The following GRM1 variants were observed in gnomAD, a reference collection of about 807,000 sequenced individuals.
GRM1 encodes the protein glutamate metabotropic receptor 1, also known as metabotropic glutamate receptor 1.
GRM1 carries 33 observed loss-of-function variants against 90.9 expected under a neutral mutation model. The observed-to-expected ratio is 0.36, with a 90% CI of 0.28 to 0.49. The LOEUF is 0.49. Ranked by LOEUF, GRM1 falls within the 20% of genes least tolerant of loss-of-function variation. GRM1 has a pLI of 0.99. For missense variants in GRM1, 1,190 were observed against 1,534.3 expected, an observed-to-expected ratio of 0.78 and a Z score of 3.75; for synonymous variants, 700 against 613.2, an observed-to-expected ratio of 1.14 and a Z score of -2.09.
At chr6:146,089,110 T>A (rs1008140737) in intron 1 of GRM1, among the ~76,000 whole-genome samples, 3 of 152,072 alleles carry the variant, frequency 2.0e-5, no homozygotes, top group Non-Finnish European at 4.4e-5. Flanking sequence ...TATGTAAGCC[T>A]CTGTCTGGCT....
chr6:146,414,917 A>T (rs532676448), intron 7 of GRM1, among the ~76,000 whole-genome samples: 12 of 152,070 alleles, frequency 7.9e-5, no homozygotes, highest in Non-Finnish European at 1.6e-4. Flanking sequence ...GATCATAGAG[A>T]TATTCTCCTG....
intron 1 of GRM1, among the ~76,000 whole-genome samples, chr6:146,116,114 C>T (rs1308649963): frequency 2.0e-5 from 3 of 152,006 alleles, no homozygotes; most frequent in Admixed American, 1.3e-4. Context: ...TGATGCTTGG[C>T]TAATTTTTGT....
Position 146,426,838 on chromosome 6 carries a change from T to G in GRM1, c.2661-7034T>G, listed in dbSNP as rs1439679922. On this transcript the variant is annotated intron_variant, in intron 7 of 7. Transcript: ENST00000282753. ...AAAGGACACTGTCAAGTTGTTCATT[T>G]AGGCTTTTTGCTTTTTTATGTTTTG... 3.3e-5 allele frequency among the ~76,000 whole-genome samples: 5 copies of G among 152,210 alleles called. No individual in the cohort carries two copies. The East Asian group carries it at 5.8e-4, about 18-fold the overall frequency.
Position 146,088,768 on chromosome 6 carries a change from C to T in GRM1, c.700+58551C>T, listed in dbSNP as rs909655818. Among the ~76,000 whole-genome samples the T allele has an allele frequency of 3.9e-5, 6 of 152,218 alleles. No individual in the cohort carries two copies. The East Asian group carries it at 5.8e-4, about 15-fold the overall frequency. On this transcript the variant is annotated intron_variant, in intron 1 of 7. Transcript: ENST00000282753. ...GGTCTCCCATCACAGTAGCTGCCCC[C>T]GTGCCTCTGGCTATAAAAGAGGCCT...
intron 1 of GRM1, among the ~76,000 whole-genome samples, chr6:146,087,805 A>G (rs1582984930): frequency 6.6e-6 from 1 of 152,260 alleles, no homozygotes; most frequent in East Asian, 1.9e-4. Context: ...ATGGTATTCC[A>G]TCACATGGAT....
At chr6:146,197,075 G>T (rs1188204357) in intron 2 of GRM1, among the ~76,000 whole-genome samples, 2 of 152,194 alleles carry the variant, frequency 1.3e-5, no homozygotes, top group African/African-American at 2.4e-5. Flanking sequence ...GTTCAGGAGA[G>T]AATTCCCAAT....
At chr6:146,268,766 C>A (rs764093414) in intron 2 of GRM1, among the ~76,000 whole-genome samples, 1 of 152,180 alleles carries the variant, frequency 6.6e-6, no homozygotes, top group Non-Finnish European at 1.5e-5. Context: ...TCATAATGCT[C>A]TAAAATTTTT....
At chr6:146,034,824 A>T (rs1463308765) in intron 1 of GRM1, among the ~76,000 whole-genome samples, 3 of 152,014 alleles carry the variant, frequency 2.0e-5, no homozygotes, top group African/African-American at 7.2e-5. Flanking sequence ...TGTAGTTTAA[A>T]TGAAAAGTCA....
At chr6:146,198,899 G>A (rs1020632562) in intron 2 of GRM1, among the ~76,000 whole-genome samples, 38 of 152,182 alleles carry the variant, frequency 2.5e-4, no homozygotes, top group Admixed American at 2.0e-3. Flanking sequence ...GCAAAGGATA[G>A]TGACTTTCTA....
chr6:146,257,136 A>C lies in GRM1; in HGVS notation c.951-47475A>C, dbSNP rs554387458. On this transcript the variant is annotated intron_variant, in intron 2 of 7. Coordinates refer to ENST00000282753, the MANE Select transcript of GRM1 (RefSeq NM_001278064.2). The stretch of plus-strand genomic sequence containing the variant: ...AAAGGCCTTCTCTATCCCCATTCTG[A>C]TATAATTAATTCGTTCATTAGCATG... 4.6e-5 allele frequency among the ~76,000 whole-genome samples: 7 copies of C among 152,150 alleles called. No individual in the cohort carries two copies. In the South Asian group the frequency reaches 1.2e-3, roughly 27 times the overall value.
intron 2 of GRM1, among the ~76,000 whole-genome samples, chr6:146,271,312 A>AT (rs1562571846): frequency 6.6e-6 from 1 of 151,962 alleles, no homozygotes; most frequent in Non-Finnish European, 1.5e-5. Context: ...CCAGAGTTTC[A>AT]TTTTTTTAAG....
chr6:146,190,971 G>T (rs1778917900), intron 2 of GRM1, among the ~76,000 whole-genome samples: 1 of 152,238 alleles, frequency 6.6e-6, no homozygotes, highest in Non-Finnish European at 1.5e-5. Flanking sequence ...AGCTCCTTAA[G>T]ATTGGACCCT....
intron 3 of GRM1, among the ~76,000 whole-genome samples, chr6:146,308,268 G>A (rs1783650048): frequency 6.6e-6 from 1 of 152,122 alleles, no homozygotes; most frequent in Admixed American, 6.6e-5. Flanking sequence ...CTTAACCTCA[G>A]AACCTCAGTT....
intron 6 of GRM1, among the ~76,000 whole-genome samples, chr6:146,395,887 C>A (rs183346343): frequency 1.3e-5 from 2 of 152,160 alleles, no homozygotes; most frequent in Non-Finnish European, 2.9e-5. Context: ...TGACAAAAAT[C>A]ATCTTTGAAT....
intron 2 of GRM1, among the ~76,000 whole-genome samples, chr6:146,293,537 G>A (rs188212538): frequency 2.0e-5 from 3 of 151,818 alleles, no homozygotes; most frequent in Admixed American, 6.6e-5. Context: ...CAACAATATC[G>A]TGAGTGATAT....
chr6:146,248,750 C>T (rs1781165190), intron 2 of GRM1, among the ~76,000 whole-genome samples: 2 of 152,128 alleles, frequency 1.3e-5, no homozygotes, highest in African/African-American at 4.8e-5. Context: ...TTGGAGGACT[C>T]AGAACACAAG....
chr6:146,176,001 C>T (rs1778326446), intron 2 of GRM1, among the ~76,000 whole-genome samples: 1 of 152,056 alleles, frequency 6.6e-6, no homozygotes, highest in Non-Finnish European at 1.5e-5. Flanking sequence ...GTAACTATCT[C>T]CTAAGTTATT....
Position 146,329,821 on chromosome 6 carries a change from A to G in GRM1, c.1187-22429A>G, listed in dbSNP as rs1273570401. Reference sequence around the variant, plus strand: ...GCCAAAATCACCTAACACAAAGCCTATTTGAGAATAAAGTGCTGAATATTT... The same window carrying G: ...GCCAAAATCACCTAACACAAAGCCTGTTTGAGAATAAAGTGCTGAATATTT... On this transcript the variant is annotated intron_variant, in intron 3 of 7. Coordinates refer to ENST00000282753, the MANE Select transcript of GRM1 (RefSeq NM_001278064.2). Among the ~76,000 whole-genome samples, 6 of 152,334 alleles carry G rather than the reference A, an allele frequency of 3.9e-5. No homozygotes were observed. In the East Asian group the frequency reaches 1.2e-3, roughly 29 times the overall value.
Position 146,164,853 on chromosome 6 carries a change from G to A in GRM1, c.950+5256G>A, listed in dbSNP as rs188325289. Among the ~76,000 whole-genome samples the A allele has an allele frequency of 2.8e-4, 43 of 152,026 alleles. 2 individuals are homozygous for A. Among genetic ancestry groups the A allele is most frequent in the Admixed American group, 2.3e-3 (35 of 15,258 alleles). Reference sequence around the variant, plus strand: ...AAGTTCACATTCTGCCTTGTTAGGAGTCTTTGACTAGACATACTAGGTGTA... The same window carrying A: ...AAGTTCACATTCTGCCTTGTTAGGAATCTTTGACTAGACATACTAGGTGTA... On this transcript the variant is annotated intron_variant, in intron 2 of 7. Transcript: ENST00000282753.
Sources: gnomAD v4.1 joint callset for allele counts (sites outside exome capture counted in the v4.1 genomes callset) on GRCh38, gnomAD v4.1.1 for gene constraint, MANE v1.5 for transcripts, NCBI Gene and HGNC (gene_info 2026-07-23, HGNC 2026-07-21) for gene names.